Variants in OTOF observed in about 807,000 individuals in gnomAD.
OTOF encodes fer-1-like family member 2.
A neutral mutation model predicts 236.8 loss-of-function variants in OTOF; 218 were observed. The ratio of observed to expected loss-of-function variants is 0.92; its 90% confidence interval spans 0.82 to 1.03. The LOEUF (loss-of-function observed/expected upper bound fraction) is 1.03, where lower values mean the gene tolerates loss of function less well. Ranked by LOEUF, OTOF falls within the 50% of genes least tolerant of loss-of-function variation. The probability of loss-of-function intolerance (pLI) is 0.00; values close to 1 mark genes in which losing one functional copy is unlikely to be tolerated. For synonymous variants in OTOF, 1,041 were observed against 1,072.5 expected, an observed-to-expected ratio of 0.97 and a Z score of 0.57; for missense variants, 2,590 against 2,694.4, an observed-to-expected ratio of 0.96 and a Z score of 0.86.
intron 37 of OTOF, 39 bp from the exon 38 acceptor site, chr2:26,465,881 C>G: frequency 6.2e-7 from 1 of 1,614,128 alleles, no homozygotes; most frequent in East Asian, 2.2e-5. Context: ...TAAGGATTGG[C>G]TAGGGTGGGA....
chr2:26,527,067 G>A (rs570665250), intron 3 of OTOF, among the ~76,000 whole-genome samples: 54 of 152,336 alleles, frequency 3.5e-4, no homozygotes, highest in African/African-American at 1.3e-3. Flanking sequence ...ATGGCCCAGA[G>A]AGAAGGATGA....
intron 9 of OTOF, among the ~76,000 whole-genome samples, chr2:26,491,509 T>G (rs933989592): frequency 6.6e-6 from 1 of 152,120 alleles, no homozygotes; most frequent in Non-Finnish European, 1.5e-5. Flanking sequence ...TAGAACACCT[T>G]ATAGGCAAGG....
At chr2:26,553,752 A>G (rs1667519127) in intron 1 of OTOF, among the ~76,000 whole-genome samples, 1 of 152,120 alleles carries the variant, frequency 6.6e-6, no homozygotes, top group Non-Finnish European at 1.5e-5. Context: ...GGGCCAACTC[A>G]GAGCCTGCTC....
At chr2:26,459,889 T>C (rs1269877543) in intron 46 of OTOF, 119 bp downstream of exon 46, 4 of 946,142 alleles carry the variant, frequency 4.2e-6, no homozygotes, top group Middle Eastern at 3.2e-4. Flanking sequence ...TACATGCTTG[T>C]GTGTGTTTGT....
At chr2:26,554,854 G>A (rs769624480) in intron 1 of OTOF, among the ~76,000 whole-genome samples, 1 of 152,212 alleles carries the variant, frequency 6.6e-6, no homozygotes, top group Non-Finnish European at 1.5e-5. Flanking sequence ...TCCAGCCACA[G>A]TGAATTATGT....
In OTOF at chr2:26,467,421, A is replaced by G. The variant is rs773296466; in HGVS notation, c.4171T>C (p.Ser1391Pro). Residue 1391 changes from serine to proline, a missense_variant, in exon 34 of 47, where the codon TCT (serine) becomes CCT (proline). Around this residue, in one of 2 missense-constraint regions of OTOF, gnomAD observed 1,211 missense variants for 1,352.8 expected, o/e 0.90. Coordinates refer to ENST00000272371, the MANE Select transcript of OTOF (RefSeq NM_194248.3). ...EKKKKTQSSGSGQGSEAPEKK... is the reference protein window; with the variant it reads ...EKKKKTQSSGPGQGSEAPEKK... ...TCGGGGGCCTCGGACCCCTGGCCAGAGCCAGAGCTCTGAGTTTTCTTCTTC... is the reference window on the plus strand; with the variant it reads ...TCGGGGGCCTCGGACCCCTGGCCAGGGCCAGAGCTCTGAGTTTTCTTCTTC... 4.3e-6 allele frequency: 7 copies of G among 1,613,616 alleles called. No homozygotes were observed. The highest frequency in any genetic ancestry group is 5.1e-6 in the Non-Finnish European group (6 of 1,179,938).
At chr2:26,523,338 A>G (rs1333269922) in intron 3 of OTOF, among the ~76,000 whole-genome samples, 1 of 152,162 alleles carries the variant, frequency 6.6e-6, no homozygotes, top group African/African-American at 2.4e-5. Flanking sequence ...TCTGCCTAGG[A>G]TGCCTCCTTC....
chr2:26,510,822 G>T, intron 5 of OTOF: 2 of 1,061,882 alleles, frequency 1.9e-6, no homozygotes, highest in Non-Finnish European at 2.5e-6. Flanking sequence ...ACTGGCCTCA[G>T]CCCCGGCCCC....
intron 10 of OTOF, 141 bp downstream of exon 10, chr2:26,489,537 G>T: frequency 1.3e-6 from 1 of 766,862 alleles, no homozygotes. Context: ...AATCCAGCCT[G>T]TCCCTACTTG....
chr2:26,471,109 C>A lies in OTOF; in HGVS notation c.3894+12G>T. The A allele has an allele frequency of 1.9e-6, 3 of 1,614,020 alleles. No homozygotes were observed. Among genetic ancestry groups the A allele is most frequent in the Non-Finnish European group, 2.5e-6 (3 of 1,179,954 alleles). On this transcript the variant is annotated intron_variant, in intron 31 of 46. Coordinates refer to ENST00000272371, the MANE Select transcript of OTOF (RefSeq NM_194248.3). ...TCTCACCCCAGAGCCCCTGCATGGC[C>A]CCCACACTCACCACATCCACCTTGA... is the stretch of plus-strand genomic sequence containing the variant.
chr2:26,558,695 C>A lies in OTOF; in HGVS notation c.-124G>T. 4 of 812,634 alleles carry A rather than the reference C, an allele frequency of 4.9e-6. No individual in the cohort carries two copies. Among genetic ancestry groups the A allele is most frequent in the East Asian group, 2.7e-5 (1 of 36,614 alleles). The allele number at this position is 812,634 out of a possible 1,614,324, so 50.3% of individuals were successfully genotyped here. ...CCTCCTCCTCCTCCCGACCCCCCTC[C>A]GATGCTGCCCACAGAGACCAAGGCA... On this transcript the variant is annotated 5_prime_UTR_variant, in exon 1 of 47. Coordinates refer to ENST00000272371, the MANE Select transcript of OTOF (RefSeq NM_194248.3).
At chr2:26,490,331 CTG>C (rs750010988) in intron 9 of OTOF, among the ~76,000 whole-genome samples, 11 of 152,212 alleles carry the variant, frequency 7.2e-5, no homozygotes, top group Non-Finnish European at 1.3e-4. Flanking sequence ...AGAGGTGAAA[CTG>C]TAAAATAACG....
rs727503356 is a variant in OTOF, at chr2:26,476,881, C to G, written c.2676+10G>C. 3.7e-6 allele frequency: 6 copies of G among 1,606,922 alleles called. No individual in the cohort carries two copies. Among genetic ancestry groups the G allele is most frequent in the Non-Finnish European group, 5.1e-6 (6 of 1,179,484 alleles). ...ACCCAGGCCCCCATCCATCCTGCCC[C>G]CTCCAGCACCTTAAGGAAGAGCGTC... On this transcript the variant is annotated intron_variant, in intron 22 of 46. Coordinates refer to ENST00000272371, the MANE Select transcript of OTOF (RefSeq NM_194248.3).
chr2:26,466,814 T>C lies in OTOF; in HGVS notation c.4400A>G (p.Asp1467Gly). ...LCVYKVPLPEDVSREAGYDST... is the reference protein window; with the variant it reads ...LCVYKVPLPEGVSREAGYDST... ...GTCGTAGCCGGCTTCCCGGGACACGTCCTCTGGGAGTGGCACTTTGTACAC... is the reference window on the plus strand; with the variant it reads ...GTCGTAGCCGGCTTCCCGGGACACGCCCTCTGGGAGTGGCACTTTGTACAC... The change falls in exon 36 of 47, where the codon GAC becomes GGC. Residue 1467 changes from aspartate (D) to glycine (G), a missense_variant. By Grantham distance (94) the Asp-to-Gly change is moderately conservative. This residue lies in a region of OTOF where 1,211 missense variants were observed against 1,352.8 expected (regional missense o/e 0.90). Coordinates refer to ENST00000272371, the MANE Select transcript of OTOF (RefSeq NM_194248.3). 1 of 1,614,190 alleles carries C rather than the reference T, an allele frequency of 6.2e-7. No individual in the cohort carries two copies. Among genetic ancestry groups the C allele is most frequent in the Non-Finnish European group, 8.5e-7 (1 of 1,180,032 alleles).
At position 26,462,130 on chromosome 2, in the gene OTOF, G is replaced by A. The variant is rs780139913; in HGVS notation, c.5244C>T (p.Asp1748=). ...ACTTCTCCCCTGTGAAGAAGTCGTC[G>A]TCCTCCAAGACCACCTCATCTGTGT... The part of the protein sequence containing the change: ...IWNTDEVVLE[D]DDFFTGEKSS... The change falls in exon 42 of 47, where the codon GAC becomes GAT. Residue 1748 remains aspartate, a synonymous_variant. Transcript: ENST00000272371. This position sits in a 1 kb window ranked among gnomAD's most constrained non-coding sequence, Gnocchi z 4.7. 2.2e-5 allele frequency: 35 copies of A among 1,613,666 alleles called. No homozygotes were observed. Among genetic ancestry groups the A allele is most frequent in the Middle Eastern group, 1.6e-4 (1 of 6,084 alleles).
chr2:26,526,873 A>G, intron 3 of OTOF, among the ~76,000 whole-genome samples: 1 of 152,094 alleles, frequency 6.6e-6, no homozygotes, highest in Admixed American at 6.5e-5. Flanking sequence ...TTTTTTTTTA[A>G]AGAGATGGGA....
Position 26,475,448 on chromosome 2 carries a change from A to G in OTOF, c.3037T>C (p.Phe1013Leu). The change falls in exon 25 of 47, where the codon TTC (phenylalanine) becomes CTC (leucine). Residue 1013 changes from phenylalanine (F) to leucine (L), a missense_variant. Transcript: ENST00000272371. ...TCACCATAGAGCTCCAGGTTGTCGAACACCAGCATCTGGTCCCAGGTGGGA... is the reference window on the plus strand; with the variant it reads ...TCACCATAGAGCTCCAGGTTGTCGAGCACCAGCATCTGGTCCCAGGTGGGA... ...LCPTWDQMLV[F>L]DNLELYGEAH... is the part of the protein sequence containing the mutation. 1 of 1,613,122 alleles carries G rather than the reference A, an allele frequency of 6.2e-7. No individual in the cohort carries two copies. The highest frequency in any genetic ancestry group is 8.5e-7 in the Non-Finnish European group (1 of 1,179,922).
At chr2:26,527,621 C>T (rs909584069) in intron 3 of OTOF, among the ~76,000 whole-genome samples, 3 of 152,164 alleles carry the variant, frequency 2.0e-5, no homozygotes, top group Non-Finnish European at 4.4e-5. Flanking sequence ...CTGACAGCAG[C>T]TGGGAGAACT....
At chr2:26,547,202 C>A (rs902892232) in intron 1 of OTOF, among the ~76,000 whole-genome samples, 157 of 152,292 alleles carry the variant, frequency 1.0e-3, no homozygotes, top group Non-Finnish European at 1.7e-3. Flanking sequence ...TGAATTTTGT[C>A]AAATGCATTT....
Sources: allele counts gnomAD v4.1 joint callset (sites outside exome capture counted in the v4.1 genomes callset), GRCh38; gene constraint gnomAD v4.1.1; regional missense constraint gnomAD v4.1.1; non-coding constraint Gnocchi (gnomAD v3.1); transcripts MANE v1.5; gene names NCBI Gene and HGNC (gene_info 2026-07-23, HGNC 2026-07-21).